Variants in TNKS2 observed in about 807,000 individuals in gnomAD.
The protein encoded by TNKS2 is tankyrase 2.
Under a neutral mutation model 137.6 loss-of-function variants are expected in TNKS2, and 72 were observed. The ratio of observed to expected loss-of-function variants is 0.52; its 90% CI spans 0.43 to 0.64. TNKS2 has a LOEUF of 0.64. Ranked by LOEUF, TNKS2 falls within the 30% of genes least tolerant of loss-of-function variation. TNKS2 has a pLI of 0.00. For missense variants in TNKS2, 1,049 were observed against 1,410.2 expected (o/e 0.74, Z 4.10); for synonymous variants, 516 against 512.1 (o/e 1.01, Z -0.10).
At position 91,863,061 on chromosome 10, in the gene TNKS2, A is replaced by T; in HGVS notation, c.*62A>T. 1 of 1,208,178 alleles carries T rather than the reference A, an allele frequency of 8.3e-7. No individual in the cohort carries two copies. Among genetic ancestry groups the T allele is most frequent in the Non-Finnish European group, 1.2e-6 (1 of 828,584 alleles). The allele number at this position is 1,208,178 out of a possible 1,614,324, so 74.8% of individuals were successfully genotyped here. On this transcript the variant is annotated 3_prime_UTR_variant, in exon 27 of 27. Transcript: ENST00000371627. ...AATCATCAAAGCAGCAGTGGCCTCTACGTTTTACTCCTTTGCTGAAAAAAA... is the reference window on the plus strand; with the variant it reads ...AATCATCAAAGCAGCAGTGGCCTCTTCGTTTTACTCCTTTGCTGAAAAAAA...
chr10:91,831,124 G>A lies in TNKS2; in HGVS notation c.1218G>A (p.Val406=). The A allele has an allele frequency of 1.2e-6, 2 of 1,613,982 alleles. No individual in the cohort carries two copies. The highest frequency in any genetic ancestry group is 1.7e-5 in the Admixed American group (1 of 60,008). The change falls in exon 11 of 27, where the codon GTG becomes GTA. Residue 406 remains valine (V), a synonymous_variant. Transcript: ENST00000371627. ...KTKEFLTPLH[V]ASEKAHNDVV... is the part of the protein sequence containing the mutation. The stretch of plus-strand genomic sequence containing the variant: ...TAAGATTCTTGACTCCTCTGCACGT[G>A]GCATCTGAGAAAGCTCATAATGATG...
chr10:91,828,926 C>G (rs10881978), intron 9 of TNKS2, among the ~76,000 whole-genome samples: 78,519 of 151,080 alleles, frequency 0.52, 20,747 homozygotes, highest in East Asian at 0.72. Flanking sequence ...AGAAGTCTAA[C>G]GAAAAACAGA....
At chr10:91,815,944 T>TTG (rs2133605917) in intron 2 of TNKS2, among the ~76,000 whole-genome samples, 1 of 106,714 alleles carries the variant, frequency 9.4e-6, no homozygotes, top group South Asian at 4.6e-4. Flanking sequence ...ACACAAGACT[T>TTG]TCTCTTTTTT....
Position 91,842,290 on chromosome 10 carries a change from C to T in TNKS2, c.1958C>T (p.Ala653Val), listed in dbSNP as rs759283291. ...GGAGATGCAGCTTTGCTAGATGCTG[C>T]CAAGAAGGGTTGTTTAGCCAGAGTG... ...LRGDAALLDA[A>V]KKGCLARVKK... The change falls in exon 16 of 27, where the codon GCC becomes GTC. Residue 653 changes from alanine (A) to valine (V), a missense_variant. Physicochemically the swap from Ala to Val is moderately conservative, Grantham distance 64. This residue lies in a region of TNKS2 where 328 missense variants were observed against 436.0 expected (regional missense o/e 0.75). Transcript: ENST00000371627. The T allele has an allele frequency of 4.3e-6, 7 of 1,613,914 alleles. No homozygotes were observed. Among genetic ancestry groups the T allele is most frequent in the Non-Finnish European group, 5.9e-6 (7 of 1,179,988 alleles).
chr10:91,836,764 C>T, intron 12 of TNKS2, 155 bp from the exon 13 acceptor site: 1 of 985,376 alleles, frequency 1.0e-6, no homozygotes, highest in Non-Finnish European at 1.2e-6. Flanking sequence ...ATTTTTCACT[C>T]CCCAACCCTC....
chr10:91,835,888 A>G (rs1343888024), intron 12 of TNKS2, among the ~76,000 whole-genome samples: 10 of 69,934 alleles, frequency 1.4e-4, no homozygotes, highest in South Asian at 9.1e-4. Context: ...GATTACAGGC[A>G]TGAGCCACCA....
At chr10:91,799,940 G>A (rs540007766) in intron 1 of TNKS2, among the ~76,000 whole-genome samples, 5 of 152,218 alleles carry the variant, frequency 3.3e-5, no homozygotes, top group Admixed American at 6.5e-5. Flanking sequence ...CTAGATTGAT[G>A]AAGAGAAAAG....
chr10:91,854,991 G>T, intron 21 of TNKS2, 38 bp from the exon 22 acceptor site: 2 of 1,132,016 alleles, frequency 1.8e-6, no homozygotes, highest in South Asian at 1.4e-5. Context: ...ATTGTTTATT[G>T]GCAATTTATT....
At chr10:91,814,769 T>C (rs1439176500) in intron 2 of TNKS2, among the ~76,000 whole-genome samples, 1 of 152,216 alleles carries the variant, frequency 6.6e-6, no homozygotes, top group Non-Finnish European at 1.5e-5. Flanking sequence ...CCTAGGTGTT[T>C]GGTAGACTGT....
chr10:91,802,949 A>G (rs1165208150), intron 1 of TNKS2, among the ~76,000 whole-genome samples: 1 of 152,236 alleles, frequency 6.6e-6, no homozygotes, highest in Admixed American at 6.5e-5. Flanking sequence ...ACTTTGAGCT[A>G]TACCTTTGCC....
intron 19 of TNKS2, 76 bp from the exon 20 acceptor site, chr10:91,849,436 G>A: frequency 8.9e-7 from 1 of 1,117,430 alleles, no homozygotes; most frequent in Non-Finnish European, 1.3e-6. Flanking sequence ...AACATTACAA[G>A]ACTTTACTGT....
At chr10:91,807,702 A>G (rs1416745218) in intron 1 of TNKS2, among the ~76,000 whole-genome samples, 2 of 152,192 alleles carry the variant, frequency 1.3e-5, no homozygotes, top group African/African-American at 4.8e-5. Flanking sequence ...TGGAACTAAG[A>G]GTCTAGAAAA....
At chr10:91,862,640 T>C (rs1589701085) in intron 26 of TNKS2, among the ~76,000 whole-genome samples, 1 of 152,144 alleles carries the variant, frequency 6.6e-6, no homozygotes, top group East Asian at 1.9e-4. Context: ...CAAAAGTAGT[T>C]CTAGAGCAGT....
intron 3 of TNKS2, among the ~76,000 whole-genome samples, chr10:91,817,778 C>A (rs1173469612): frequency 6.6e-6 from 1 of 152,130 alleles, no homozygotes; most frequent in Non-Finnish European, 1.5e-5. Context: ...TATTTATGTC[C>A]TTGGAACCTA....
intron 13 of TNKS2, among the ~76,000 whole-genome samples, chr10:91,838,626 A>G (rs1842108990): frequency 6.6e-6 from 1 of 152,224 alleles, no homozygotes; most frequent in Admixed American, 6.5e-5. Context: ...AGTCATTTCT[A>G]GGAACCTGAC....
chr10:91,798,908 C>T lies in TNKS2; in HGVS notation c.199+19C>T. 7.3e-7 allele frequency: 1 copy of T among 1,376,110 alleles called. No homozygotes were observed. 85.2% of individuals were successfully genotyped at this position (1,376,110 alleles called of 1,614,324 possible). A position where few individuals can be genotyped will look rare whatever the true frequency, so the allele number is the denominator to read the frequency against. On this transcript the variant is annotated intron_variant, in intron 1 of 26. Coordinates refer to ENST00000371627, the MANE Select transcript of TNKS2 (RefSeq NM_025235.4). The stretch of plus-strand genomic sequence containing the variant: ...GCCGCAGGTAACCGGGGCCAGCGTC[C>T]CCTCGCCTCGCTCCAGACCCCACCT...
rs1275454870 is a variant in TNKS2 at position 91,835,775 on chromosome 10, C to T, written c.1448-1144C>T. Among the ~76,000 whole-genome samples, 4 of 150,836 alleles carry T rather than the reference C, an allele frequency of 2.7e-5. No homozygotes were observed. The South Asian group carries it at 8.4e-4, about 32-fold the overall frequency. ...CCTGAGTAGCTGAGAGTGCGCCTAA[C>T]TTTTGTATTTTTAGTAGTTACGGGG... On this transcript the variant is annotated intron_variant, in intron 12 of 26. Transcript: ENST00000371627.
Position 91,831,132 on chromosome 10 carries a change from A to G in TNKS2, c.1226A>G (p.Glu409Gly), listed in dbSNP as rs752040525. ...TTGACTCCTCTGCACGTGGCATCTG[A>G]GAAAGCTCATAATGATGTTGTTGAA... ...EFLTPLHVAS[E>G]KAHNDVVEVV... Residue 409 changes from glutamate (E) to glycine (G), a missense_variant, in exon 11 of 27, where the codon GAG becomes GGG. This residue lies in a region of TNKS2 where 328 missense variants were observed against 436.0 expected (regional missense o/e 0.75). Transcript: ENST00000371627. 6.2e-7 allele frequency: 1 copy of G among 1,614,002 alleles called. No individual in the cohort carries two copies. Among genetic ancestry groups the G allele is most frequent in the Admixed American group, 1.7e-5 (1 of 60,026 alleles).
chr10:91,810,969 C>A (rs1391039066), intron 1 of TNKS2, among the ~76,000 whole-genome samples: 8 of 123,186 alleles, frequency 6.5e-5, no homozygotes, highest in Admixed American at 1.9e-4. Context: ...TCTGTCACCC[C>A]CAGGCTGGAG....
Sources: allele counts gnomAD v4.1 joint callset (sites outside exome capture counted in the v4.1 genomes callset), GRCh38; gene constraint gnomAD v4.1.1; regional missense constraint gnomAD v4.1.1; transcripts MANE v1.5; gene names NCBI Gene and HGNC (gene_info 2026-07-23, HGNC 2026-07-21).